UGT2B17: variants seen among roughly 807,000 people sequenced by gnomAD.
UGT2B17 encodes the protein UDP-glucuronosyltransferase 2B17.
UGT2B17 carries 21 observed loss-of-function variants against 48.2 expected under a neutral mutation model. The ratio of observed to expected loss-of-function variants is 0.44; its 90% CI spans 0.31 to 0.63. UGT2B17 has a LOEUF of 0.63. UGT2B17 is among the 20% of genes least tolerant of loss of function. UGT2B17 has a pLI of 0.08. For missense variants in UGT2B17, 402 were observed against 696.1 expected, an observed-to-expected ratio of 0.58 and a Z score of 4.75; for synonymous variants, 146 against 238.4, an observed-to-expected ratio of 0.61 and a Z score of 3.57.
chr4:68,563,962 AATC>A (rs1166400000), intron 3 of UGT2B17, among the ~76,000 whole-genome samples: 1 of 125,600 alleles, frequency 8.0e-6, no homozygotes, highest in African/African-American at 2.7e-5. Flanking sequence ...CTAAAATAAT[AATC>A]ATAATATCAA....
chr4:68,560,756 A>C (rs1205801659), intron 3 of UGT2B17, 88 bp from the exon 4 acceptor site: 1 of 1,293,218 alleles, frequency 7.7e-7, no homozygotes, highest in Non-Finnish European at 1.0e-6. Flanking sequence ...TAAGATGAGA[A>C]AGTCAGGAGC....
chr4:68,542,087 C>T (rs1314281225), intron 6 of UGT2B17, among the ~76,000 whole-genome samples: 2 of 125,224 alleles, frequency 1.6e-5, no homozygotes, highest in African/African-American at 5.5e-5. Context: ...CTCCATATGG[C>T]TAACCAGTTT....
Position 68,551,771 on chromosome 4 carries a change from A to G in UGT2B17, c.1093+53T>C. On this transcript the variant is annotated intron_variant, in intron 5 of 6. Coordinates refer to ENST00000317746, the MANE Select transcript of UGT2B17 (RefSeq NM_001077.4). ...GTTTGTTTTATGTTGAAATATTATC[A>G]CTTCTAATTGGCTGTTACTAATATA... 2.8e-6 allele frequency: 3 copies of G among 1,078,498 alleles called. 1 individual carries two copies. Among genetic ancestry groups the G allele is most frequent in the Non-Finnish European group, 3.7e-6 (3 of 816,274 alleles). 66.8% of individuals were successfully genotyped at this position (1,078,498 alleles called of 1,614,324 possible). A position where few individuals can be genotyped will look rare whatever the true frequency, so the allele number is the denominator to read the frequency against.
intron 6 of UGT2B17, among the ~76,000 whole-genome samples, chr4:68,546,689 C>T (rs879031396): frequency 8.0e-6 from 1 of 125,466 alleles, no homozygotes; most frequent in Non-Finnish European, 1.7e-5. Flanking sequence ...ATCGTCTGAG[C>T]CCCAAATCTC....
rs574511027 is a variant in UGT2B17, at chr4:68,572,807, T to C, written c.-65+3144A>G. Reference sequence around the variant, plus strand: ...AGTCCTGCGATGAGTCTCCTCATGCTTCAGCCATGCGTGGACCAGTCAGCT... The same window carrying C: ...AGTCCTGCGATGAGTCTCCTCATGCCTCAGCCATGCGTGGACCAGTCAGCT... On this transcript the variant is annotated intron_variant, in intron 1 of 6. Transcript: ENST00000317746. Among the ~76,000 whole-genome samples, 2 of 126,240 alleles carry C rather than the reference T, an allele frequency of 1.6e-5. 1 individual carries two copies. Among genetic ancestry groups the C allele is most frequent in the Admixed American group, 1.6e-4 (2 of 12,332 alleles). 82.8% of individuals were successfully genotyped at this position (126,240 alleles called of 152,430 possible).
rs1731192485 is a variant in UGT2B17 at position 68,565,966 on chromosome 4, T to C, written c.725-246A>G. On this transcript the variant is annotated intron_variant, in intron 2 of 6. Coordinates refer to ENST00000317746, the MANE Select transcript of UGT2B17 (RefSeq NM_001077.4). ...CATTATATTAAATTAATGTATTTAATATATGTTAATATATTTTAATTTAAT... is the reference window on the plus strand; with the variant it reads ...CATTATATTAAATTAATGTATTTAACATATGTTAATATATTTTAATTTAAT... 1.7e-5 allele frequency among the ~76,000 whole-genome samples: 2 copies of C among 118,934 alleles called. 1 individual carries two copies. Among genetic ancestry groups the C allele is most frequent in the Non-Finnish European group, 3.4e-5 (2 of 57,988 alleles). 78.0% of individuals were successfully genotyped at this position (118,934 alleles called of 152,430 possible). A position where few individuals can be genotyped will look rare whatever the true frequency, so the allele number is the denominator to read the frequency against.
Position 68,537,678 on chromosome 4 carries a change from G to C in UGT2B17, c.1540C>G (p.Leu514Val). The change falls in exon 7 of 7, where the codon CTG becomes GTG. Residue 514 changes from leucine (L) to valine (V), a missense_variant. By Grantham distance (32) the Leu-to-Val change is conservative. Around this residue, in one of 5 missense-constraint regions of UGT2B17, gnomAD observed 156 missense variants for 258.6 expected, o/e 0.60. Transcript: ENST00000317746. The part of the protein sequence containing the change: ...TMIFMITKCC[L>V]FCFRKLAKTG... ...TTGGCAAGCTTTCGGAAACAAAACA[G>C]GCAACATTTTGTGATCATAAATATC... 7.3e-7 allele frequency: 1 copy of C among 1,376,448 alleles called. No individual in the cohort carries two copies. The highest frequency in any genetic ancestry group is 9.5e-7 in the Non-Finnish European group (1 of 1,053,202). 85.3% of individuals were successfully genotyped at this position (1,376,448 alleles called of 1,614,324 possible). A position where few individuals can be genotyped will look rare whatever the true frequency, so the allele number is the denominator to read the frequency against.
At chr4:68,556,213 G>T (rs1278889805) in intron 4 of UGT2B17, among the ~76,000 whole-genome samples, 1 of 124,148 alleles carries the variant, frequency 8.1e-6, no homozygotes, top group Non-Finnish European at 1.7e-5. Flanking sequence ...TAAATAATTG[G>T]TTAGAACAAT....
intron 4 of UGT2B17, among the ~76,000 whole-genome samples, chr4:68,557,658 A>T (rs568391439): frequency 7.8e-6 from 1 of 127,680 alleles, no homozygotes; most frequent in African/African-American, 2.7e-5. Context: ...AGAATTTGGA[A>T]ACTATTTGTG....
rs1730716704 is a variant in UGT2B17 at position 68,543,220 on chromosome 4, G to C, written c.1314-5316C>G. 1.4e-4 allele frequency among the ~76,000 whole-genome samples: 17 copies of C among 124,818 alleles called. 7 individuals carry two copies. 81.9% of individuals were successfully genotyped at this position (124,818 alleles called of 152,430 possible). On this transcript the variant is annotated intron_variant, in intron 6 of 6. Transcript: ENST00000317746. Reference sequence around the variant, plus strand: ...GGCAGACTGACACCTCACACAGCCGGGTACTCCTCTGAGAAAACTTCCAGA... The same window carrying C: ...GGCAGACTGACACCTCACACAGCCGCGTACTCCTCTGAGAAAACTTCCAGA...
intron 3 of UGT2B17, among the ~76,000 whole-genome samples, chr4:68,564,294 A>ATATATATTTTTTTT (rs1366181355): frequency 1.3e-5 from 1 of 75,762 alleles, no homozygotes; most frequent in East Asian, 1.9e-3. Context: ...ATATATATAT[A>ATATATATTTTTTTT]TTTTTTTTTT....
rs749298594 is a variant in UGT2B17, at chr4:68,538,956, C to T, written c.1314-1052G>A. ...GGTTTGCTTCTATTTCTTTTTGAGG[C>T]TTCCCCTTAAATGATACCTCTTAGA... is the stretch of plus-strand genomic sequence containing the variant. On this transcript the variant is annotated intron_variant, in intron 6 of 6. Coordinates refer to ENST00000317746, the MANE Select transcript of UGT2B17 (RefSeq NM_001077.4). Among the ~76,000 whole-genome samples the T allele has an allele frequency of 7.9e-5, 10 of 125,838 alleles. 3 individuals carry two copies. Among genetic ancestry groups the T allele is most frequent in the Non-Finnish European group, 1.2e-4 (7 of 59,574 alleles). 82.6% of individuals were successfully genotyped at this position (125,838 alleles called of 152,430 possible).
rs574623364 is a variant in UGT2B17, at chr4:68,572,208, G to A, written c.-64-3660C>T. Among the ~76,000 whole-genome samples, 19 of 126,028 alleles carry A rather than the reference G, an allele frequency of 1.5e-4. 7 individuals carry two copies. In the South Asian group the frequency reaches 6.8e-3, roughly 45 times the overall value. The allele number at this position is 126,028 out of a possible 152,430, so 82.7% of individuals were successfully genotyped here. A position where few individuals can be genotyped will look rare whatever the true frequency, so the allele number is the denominator to read the frequency against. ...TTTTTAATTTAGAGAATCACATCCT[G>A]TTTCATGCTGCTTACTATTAATAGC... On this transcript the variant is annotated intron_variant, in intron 1 of 6. Coordinates refer to ENST00000317746, the MANE Select transcript of UGT2B17 (RefSeq NM_001077.4).
intron 4 of UGT2B17, 75 bp from the exon 5 acceptor site, chr4:68,551,986 T>A: frequency 9.7e-7 from 1 of 1,026,768 alleles, no homozygotes; most frequent in Non-Finnish European, 1.3e-6. Flanking sequence ...TCTGAAGAGA[T>A]TAATAATCAG....
In UGT2B17 at chr4:68,565,981, T is replaced by G. The variant is rs1731192963; in HGVS notation, c.725-261A>C. 2.5e-5 allele frequency among the ~76,000 whole-genome samples: 3 copies of G among 118,952 alleles called. 1 individual carries two copies. The highest frequency in any genetic ancestry group is 3.5e-5 in the Non-Finnish European group (2 of 57,932). 78.0% of individuals were successfully genotyped at this position (118,952 alleles called of 152,430 possible). Reference sequence around the variant, plus strand: ...ATGTATTTAATATATGTTAATATATTTTAATTTAATAGTATTTAATTTTTA... The same window carrying G: ...ATGTATTTAATATATGTTAATATATGTTAATTTAATAGTATTTAATTTTTA... On this transcript the variant is annotated intron_variant, in intron 2 of 6. Transcript: ENST00000317746.
Position 68,573,200 on chromosome 4 carries a change from G to T in UGT2B17, c.-65+2751C>A, listed in dbSNP as rs1207135889. Among the ~76,000 whole-genome samples, 10 of 127,150 alleles carry T rather than the reference G, an allele frequency of 7.9e-5. 2 individuals carry two copies. Among genetic ancestry groups the T allele is most frequent in the African/African-American group, 2.7e-4 (10 of 37,096 alleles). 83.4% of individuals were successfully genotyped at this position (127,150 alleles called of 152,430 possible). A position where few individuals can be genotyped will look rare whatever the true frequency, so the allele number is the denominator to read the frequency against. The stretch of plus-strand genomic sequence containing the variant: ...GCTGCCAGGGCCCTTGGACATGGGG[G>T]CCAGCCTTTGGAAACCCCGTCTAGT... On this transcript the variant is annotated intron_variant, in intron 1 of 6. Coordinates refer to ENST00000317746, the MANE Select transcript of UGT2B17 (RefSeq NM_001077.4).
intron 6 of UGT2B17, among the ~76,000 whole-genome samples, chr4:68,543,163 A>G (rs1730713551): frequency 7.9e-6 from 1 of 126,258 alleles, no homozygotes; most frequent in African/African-American, 2.7e-5. Context: ...CTGATCCCCG[A>G]GTAGCCTGAC....
intron 3 of UGT2B17, among the ~76,000 whole-genome samples, chr4:68,561,402 C>T (rs1731100594): frequency 8.1e-6 from 1 of 123,982 alleles, no homozygotes; most frequent in Admixed American, 8.4e-5. Context: ...ATTTATAATA[C>T]AGTATTATAT....
At chr4:68,538,368 G>T (rs1236583880) in intron 6 of UGT2B17, among the ~76,000 whole-genome samples, 1 of 124,010 alleles carries the variant, frequency 8.1e-6, no homozygotes, top group African/African-American at 2.8e-5. Flanking sequence ...ATGAGAAGCT[G>T]GGGCTACAGC....
Sources: gnomAD v4.1 joint callset for allele counts (sites outside exome capture counted in the v4.1 genomes callset) on GRCh38, gnomAD v4.1.1 for gene constraint, gnomAD v4.1.1 regional missense constraint, MANE v1.5 for transcripts, NCBI Gene and HGNC (gene_info 2026-07-23, HGNC 2026-07-21) for gene names.